FHIT: variants seen among roughly 807,000 people sequenced by gnomAD.
The protein encoded by FHIT is fragile histidine triad diadenosine triphosphatase, also known as bis(5'-adenosyl)-triphosphatase.
Under a neutral mutation model 17.9 loss-of-function variants are expected in FHIT, and 19 were observed. That is an observed-to-expected ratio of 1.06 (90% CI 0.74 to 1.56). The LOEUF (loss-of-function observed/expected upper bound fraction) is 1.56, where lower values mean the gene tolerates loss of function less well. Ranked by LOEUF, FHIT falls within the 40% of genes most tolerant of loss-of-function variation. FHIT has a pLI of 0.00. For synonymous variants in FHIT, 81 were observed against 69.7 expected, an observed-to-expected ratio of 1.16 and a Z score of -0.81; for missense variants, 248 against 189.2, an observed-to-expected ratio of 1.31 and a Z score of -1.82.
rs532905034 is a variant in FHIT at position 60,518,928 on chromosome 3, A to G, written c.103+17932T>C. On this transcript the variant is annotated intron_variant, in intron 5 of 9. Coordinates refer to ENST00000492590, the MANE Select transcript of FHIT (RefSeq NM_002012.4). ...TGAGGCAGGAGAATTGCTTGAACCC[A>G]GGAGGTGGAGGTTGCAGTGAGCACC... is the stretch of plus-strand genomic sequence containing the variant. Among the ~76,000 whole-genome samples, 120 of 152,300 alleles carry G rather than the reference A, an allele frequency of 7.9e-4. 1 individual carries two copies. The highest frequency in any genetic ancestry group is 2.8e-3 in the African/African-American group (117 of 41,568).
intron 7 of FHIT, among the ~76,000 whole-genome samples, chr3:59,933,855 CAAA>C (rs1449387438): frequency 1.3e-5 from 2 of 151,984 alleles, no homozygotes; most frequent in Admixed American, 1.3e-4. Flanking sequence ...AGGGGAAAAA[CAAA>C]GAAGAAAGGA....
chr3:60,199,608 A>G (rs1487623214), intron 5 of FHIT, among the ~76,000 whole-genome samples: 1 of 152,192 alleles, frequency 6.6e-6, no homozygotes. Flanking sequence ...GAAAAGGCCT[A>G]CAATTCTGTA....
At chr3:60,952,282 G>A (rs539797784) in intron 3 of FHIT, among the ~76,000 whole-genome samples, 8 of 152,102 alleles carry the variant, frequency 5.3e-5, no homozygotes, top group African/African-American at 1.9e-4. Flanking sequence ...CACTATAGTG[G>A]GGAAAGAAAA....
intron 3 of FHIT, among the ~76,000 whole-genome samples, chr3:60,968,079 C>T (rs1264629829): frequency 6.6e-6 from 1 of 152,200 alleles, no homozygotes; most frequent in Non-Finnish European, 1.5e-5. Flanking sequence ...TGGCAAGATC[C>T]ATGTCCAGTC....
At chr3:60,078,161 A>G (rs1703115873) in intron 5 of FHIT, among the ~76,000 whole-genome samples, 1 of 152,124 alleles carries the variant, frequency 6.6e-6, no homozygotes, top group Admixed American at 6.6e-5. Flanking sequence ...AGTATAAGAA[A>G]AAACATACTA....
chr3:60,174,895 T>A (rs1207197154), intron 5 of FHIT, among the ~76,000 whole-genome samples: 1 of 152,190 alleles, frequency 6.6e-6, no homozygotes, highest in East Asian at 1.9e-4. Context: ...GGATATCTCA[T>A]ATAAATGCAA....
At chr3:60,335,848 TAAAA>T (rs778958608) in intron 5 of FHIT, among the ~76,000 whole-genome samples, 2 of 151,872 alleles carry the variant, frequency 1.3e-5, no homozygotes, top group South Asian at 4.2e-4. Flanking sequence ...GTAAAGAACT[TAAAA>T]AAAATGGTAT....
At chr3:59,831,189 A>G (rs1701151123) in intron 8 of FHIT, among the ~76,000 whole-genome samples, 3 of 152,170 alleles carry the variant, frequency 2.0e-5, no homozygotes, top group African/African-American at 7.2e-5. Flanking sequence ...TGAACCATTT[A>G]TGCTATACAG....
At chr3:61,036,909 T>TG (rs1559929010) in intron 3 of FHIT, among the ~76,000 whole-genome samples, 35 of 136,290 alleles carry the variant, frequency 2.6e-4, no homozygotes, top group Admixed American at 1.0e-3. Flanking sequence ...TTGTTTTTTT[T>TG]TTTTGTTTGT....
At chr3:60,753,762 A>G (rs2042515882) in intron 4 of FHIT, among the ~76,000 whole-genome samples, 1 of 152,198 alleles carries the variant, frequency 6.6e-6, no homozygotes, top group African/African-American at 2.4e-5. Flanking sequence ...GAGGCCAGGG[A>G]CAATTAGGTA....
At chr3:60,933,940 C>A (rs1553772476) in intron 3 of FHIT, among the ~76,000 whole-genome samples, 2 of 152,132 alleles carry the variant, frequency 1.3e-5, no homozygotes, top group Non-Finnish European at 1.5e-5. Context: ...ATCTATCAGG[C>A]CTCACACCAC....
intron 3 of FHIT, among the ~76,000 whole-genome samples, chr3:60,839,538 T>G (rs1318198224): frequency 6.6e-6 from 1 of 152,208 alleles, no homozygotes; most frequent in African/African-American, 2.4e-5. Flanking sequence ...CATTTCTTAA[T>G]GTATATTTTG....
intron 5 of FHIT, among the ~76,000 whole-genome samples, chr3:60,487,485 C>T (rs1372959345): frequency 2.0e-5 from 3 of 152,152 alleles, no homozygotes; most frequent in Non-Finnish European, 2.9e-5. Flanking sequence ...CTCTACGACA[C>T]CTGGAAGGCT....
In FHIT at chr3:60,172,883, T is replaced by C. The variant is rs533979406; in HGVS notation, c.104-158731A>G. Among the ~76,000 whole-genome samples the C allele has an allele frequency of 9.8e-5, 15 of 152,316 alleles. No individual in the cohort carries two copies. The South Asian group carries it at 1.0e-3, about 11-fold the overall frequency. ...CTGGATATATTCAACACATTTTCTCTGTATCTAACATTTCAGTAGAAGTGA... is the reference window on the plus strand; with the variant it reads ...CTGGATATATTCAACACATTTTCTCCGTATCTAACATTTCAGTAGAAGTGA... On this transcript the variant is annotated intron_variant, in intron 5 of 9. Transcript: ENST00000492590.
chr3:60,081,817 C>A (rs1310411992), intron 5 of FHIT, among the ~76,000 whole-genome samples: 1 of 152,032 alleles, frequency 6.6e-6, no homozygotes, highest in Non-Finnish European at 1.5e-5. Context: ...GCATGCCAGG[C>A]ATCTTTTCCT....
At chr3:60,843,356 T>C (rs1207980840) in intron 3 of FHIT, among the ~76,000 whole-genome samples, 1 of 152,110 alleles carries the variant, frequency 6.6e-6, no homozygotes, top group Non-Finnish European at 1.5e-5. Flanking sequence ...AAGATACAAA[T>C]CTATCTTTTA....
At chr3:59,864,929 G>T (rs902627448) in intron 8 of FHIT, among the ~76,000 whole-genome samples, 1 of 151,864 alleles carries the variant, frequency 6.6e-6, no homozygotes, top group Non-Finnish European at 1.5e-5. Context: ...TACCATCAAG[G>T]CTGCCTCTCC....
intron 3 of FHIT, among the ~76,000 whole-genome samples, chr3:60,904,505 T>C (rs1245517356): frequency 6.7e-6 from 1 of 149,110 alleles, no homozygotes; most frequent in East Asian, 1.9e-4. Context: ...AAAAAAAAGA[T>C]TGAGAATTTC....
At chr3:59,989,526 G>T (rs1177206988) in intron 7 of FHIT, among the ~76,000 whole-genome samples, 5 of 151,976 alleles carry the variant, frequency 3.3e-5, no homozygotes, top group Admixed American at 6.6e-5. Flanking sequence ...CATGGCACAG[G>T]GTCTCTGAGG....
Sources: gnomAD v4.1 joint callset for allele counts (sites outside exome capture counted in the v4.1 genomes callset) on GRCh38, gnomAD v4.1.1 for gene constraint, MANE v1.5 for transcripts, NCBI Gene and HGNC (gene_info 2026-07-23, HGNC 2026-07-21) for gene names.